GRID2: variants seen among roughly 807,000 people sequenced by gnomAD.
GRID2 encodes the protein glutamate receptor ionotropic, delta-2.
GRID2 carries 33 observed loss-of-function variants against 114.8 expected under a neutral mutation model. The observed-to-expected ratio is 0.29, with a 90% CI of 0.22 to 0.38. GRID2 has a LOEUF of 0.38. Ranked by LOEUF, GRID2 falls within the 10% of genes least tolerant of loss-of-function variation. The probability of loss-of-function intolerance (pLI) is 1.00; values close to 1 mark genes in which losing one functional copy is unlikely to be tolerated. For synonymous variants in GRID2, 505 were observed against 449.9 expected (o/e 1.12, Z -1.55); for missense variants, 1,184 against 1,257.7 (o/e 0.94, Z 0.89).
At chr4:92,830,779 C>T (rs548661569) in intron 2 of GRID2, among the ~76,000 whole-genome samples, 1 of 152,226 alleles carries the variant, frequency 6.6e-6, no homozygotes, top group East Asian at 1.9e-4. Context: ...AGCAAAAATA[C>T]TTATTCTACC....
chr4:92,566,127 G>A lies in GRID2; in HGVS notation c.89-24004G>A, dbSNP rs143336351. ...TATGTCGATATGCCTAGCAGCTGGC[G>A]CAAAATTTTTGGTGAAGTATTTACT... On this transcript the variant is annotated intron_variant, in intron 1 of 15. Coordinates refer to ENST00000282020, the MANE Select transcript of GRID2 (RefSeq NM_001510.4). Among the ~76,000 whole-genome samples the A allele has an allele frequency of 6.6e-3, 999 of 151,998 alleles. 2 individuals carry two copies. The highest frequency in any genetic ancestry group is 0.02 in the Middle Eastern group (6 of 294).
rs77894820 is a variant in GRID2 at position 93,139,292 on chromosome 4, G to T, written c.735+28339G>T. Among the ~76,000 whole-genome samples the T allele has an allele frequency of 1.6e-4, 24 of 152,276 alleles. No individual in the cohort carries two copies. The East Asian group carries it at 4.7e-3, about 30-fold the overall frequency. ...CTCTGTAGTAAAGGCTGACTGGAGA[G>T]GATCAGTGACCACAGGACATAGCAA... On this transcript the variant is annotated intron_variant, in intron 4 of 15. Transcript: ENST00000282020.
intron 12 of GRID2, among the ~76,000 whole-genome samples, chr4:93,514,460 C>CACACACACAA (rs1037610536): frequency 8.7e-4 from 130 of 149,910 alleles, no homozygotes; most frequent in African/African-American, 3.1e-3. Flanking sequence ...CACACACACA[C>CACACACACAA]AATGCTAAAG....
intron 2 of GRID2, among the ~76,000 whole-genome samples, chr4:92,960,533 A>G (rs913901952): frequency 1.3e-5 from 2 of 151,988 alleles, no homozygotes; most frequent in Non-Finnish European, 2.9e-5. Flanking sequence ...CTCTGATACT[A>G]TCCTTGCTCT....
At chr4:93,196,695 A>T (rs941620280) in intron 4 of GRID2, among the ~76,000 whole-genome samples, 1 of 152,158 alleles carries the variant, frequency 6.6e-6, no homozygotes, top group Admixed American at 6.6e-5. Context: ...TAACTGTCTA[A>T]CTACAGAAAC....
chr4:92,317,498 A>G (rs966455190), intron 1 of GRID2, among the ~76,000 whole-genome samples: 5 of 152,198 alleles, frequency 3.3e-5, no homozygotes, highest in Non-Finnish European at 4.4e-5. Flanking sequence ...TGGTTAATAA[A>G]CAGTTAATAA....
At chr4:92,373,563 T>C (rs1312607014) in intron 1 of GRID2, among the ~76,000 whole-genome samples, 1 of 152,210 alleles carries the variant, frequency 6.6e-6, no homozygotes, top group East Asian at 1.9e-4. Context: ...AATAATTTCA[T>C]GCCGGATATG....
chr4:92,704,756 TC>T (rs1338196887), intron 2 of GRID2, among the ~76,000 whole-genome samples: 1 of 148,272 alleles, frequency 6.7e-6, no homozygotes, highest in African/African-American at 2.5e-5. Context: ...CCTCCCTCTC[TC>T]CCTCTCTGCC....
At chr4:92,924,152 A>G (rs1225497586) in intron 2 of GRID2, among the ~76,000 whole-genome samples, 1 of 152,170 alleles carries the variant, frequency 6.6e-6, no homozygotes, top group Non-Finnish European at 1.5e-5. Context: ...CACAAGGACA[A>G]AAAACCAAAC....
intron 4 of GRID2, among the ~76,000 whole-genome samples, chr4:93,122,858 C>A (rs1733908514): frequency 7.3e-6 from 1 of 137,526 alleles, no homozygotes; most frequent in East Asian, 2.1e-4. Context: ...TATTGAAAGG[C>A]AGCTCTGTTA....
chr4:93,112,105 A>G lies in GRID2; in HGVS notation c.735+1152A>G, dbSNP rs191800766. 302 of 152,284 alleles carry G rather than the reference A, an allele frequency of 2.0e-3. 2 individuals carry two copies. The highest frequency in any genetic ancestry group is 7.1e-3 in the African/African-American group (297 of 41,576). The allele number at this position is 152,284 out of a possible 1,614,324, so 9.4% of individuals were successfully genotyped here. A position where few individuals can be genotyped will look rare whatever the true frequency, so the allele number is the denominator to read the frequency against. On this transcript the variant is annotated intron_variant, in intron 4 of 15. Coordinates refer to ENST00000282020, the MANE Select transcript of GRID2 (RefSeq NM_001510.4). ...TTAAAGAAGTTGGGTCTTTCCTTCA[A>G]GAAACACAAATCTGGAAGATGGGAG...
At chr4:92,839,440 C>A (rs1163515909) in intron 2 of GRID2, among the ~76,000 whole-genome samples, 2 of 141,344 alleles carry the variant, frequency 1.4e-5, no homozygotes, top group African/African-American at 5.3e-5. Flanking sequence ...CACAACAGTC[C>A]CCAGAGTGTG....
chr4:92,548,742 A>G (rs1283429175), intron 1 of GRID2, among the ~76,000 whole-genome samples: 1 of 152,010 alleles, frequency 6.6e-6, no homozygotes. Context: ...TCATGATTTC[A>G]CAGGCTGTAA....
intron 8 of GRID2, among the ~76,000 whole-genome samples, chr4:93,285,627 A>T (rs1343782074): frequency 6.6e-6 from 1 of 152,030 alleles, no homozygotes; most frequent in African/African-American, 2.4e-5. Context: ...TTATGTAAGA[A>T]AGGGAAAGTA....
chr4:93,337,128 TATAGG>T, intron 8 of GRID2, among the ~76,000 whole-genome samples: 1 of 152,138 alleles, frequency 6.6e-6, no homozygotes, highest in South Asian at 2.1e-4. Flanking sequence ...AGTAAATAAA[TATAGG>T]AAAGAGGATT....
At chr4:93,257,864 T>G (rs1749766978) in intron 8 of GRID2, among the ~76,000 whole-genome samples, 1 of 151,260 alleles carries the variant, frequency 6.6e-6, no homozygotes. Flanking sequence ...TATAATTTTA[T>G]TCACTGCTTA....
intron 2 of GRID2, among the ~76,000 whole-genome samples, chr4:92,811,864 G>A (rs565632064): frequency 3.3e-5 from 5 of 152,124 alleles, no homozygotes; most frequent in South Asian, 4.1e-4. Context: ...AAATCGTGAC[G>A]TACTTCTTTA....
chr4:93,081,708 C>A (rs1013424634), intron 2 of GRID2, among the ~76,000 whole-genome samples: 1 of 151,902 alleles, frequency 6.6e-6, no homozygotes, highest in African/African-American at 2.4e-5. Context: ...AAGAACTATG[C>A]CATTGAGATG....
chr4:92,817,437 T>C (rs1740986446), intron 2 of GRID2, among the ~76,000 whole-genome samples: 1 of 152,138 alleles, frequency 6.6e-6, no homozygotes, highest in Admixed American at 6.5e-5. Flanking sequence ...ACTTTATCCA[T>C]AGGATGACCT....
Sources: gnomAD v4.1 joint callset for allele counts (sites outside exome capture counted in the v4.1 genomes callset) on GRCh38, gnomAD v4.1.1 for gene constraint, MANE v1.5 for transcripts, NCBI Gene and HGNC (gene_info 2026-07-23, HGNC 2026-07-21) for gene names.